Variants in UNC5D observed in about 807,000 individuals in gnomAD.
The protein encoded by UNC5D is unc-5 netrin receptor D.
UNC5D carries 39 observed loss-of-function variants against 105.4 expected under a neutral mutation model. The observed-to-expected ratio is 0.37, with a 90% CI of 0.29 to 0.48. UNC5D has a LOEUF of 0.48. UNC5D is among the 20% of genes least tolerant of loss of function. The pLI, the probability that UNC5D is intolerant of heterozygous loss-of-function variation, is 0.98. For synonymous variants in UNC5D, 452 were observed against 450.4 expected (o/e 1.00, Z -0.04); for missense variants, 991 against 1,202.4 (o/e 0.82, Z 2.60).
At position 35,722,322 on chromosome 8, in the gene UNC5D, T is replaced by C. The variant is rs912393495; in HGVS notation, c.1230T>C (p.Tyr410=). ...TTTACAGACGGAGCCAGAGTGACTA[T>C]GGCGTGGACGTCATTGACTCTTCTG... ...VTLYRRSQSD[Y]GVDVIDSSAL... The change falls in exon 9 of 17, where the codon TAT becomes TAC. Residue 410 remains tyrosine, a synonymous_variant. Coordinates refer to ENST00000404895, the MANE Select transcript of UNC5D (RefSeq NM_080872.4). 1 of 1,614,178 alleles carries C rather than the reference T, an allele frequency of 6.2e-7. No homozygotes were observed. The highest frequency in any genetic ancestry group is 1.7e-5 in the Admixed American group (1 of 60,024).
chr8:35,502,725 A>AT (rs34200119), intron 1 of UNC5D, among the ~76,000 whole-genome samples: 24,582 of 144,870 alleles, frequency 0.17, 2,631 homozygotes, highest in African/African-American at 0.28. Context: ...TGCCCGGCTA[A>AT]TTTTTTTTTT....
chr8:35,519,932 G>C (rs920976872), intron 1 of UNC5D, among the ~76,000 whole-genome samples: 1 of 152,142 alleles, frequency 6.6e-6, no homozygotes, highest in African/African-American at 2.4e-5. Flanking sequence ...TTGCAAGGAT[G>C]TGGAGAAAGT....
At chr8:35,777,240 C>A (rs555971899) in intron 16 of UNC5D, among the ~76,000 whole-genome samples, 4 of 152,054 alleles carry the variant, frequency 2.6e-5, no homozygotes, top group Non-Finnish European at 5.9e-5. Flanking sequence ...GGCAACAGAG[C>A]GAGACTCTGT....
chr8:35,333,652 G>A (rs923300693), intron 1 of UNC5D, among the ~76,000 whole-genome samples: 13 of 152,020 alleles, frequency 8.6e-5, no homozygotes, highest in Admixed American at 5.9e-4. Flanking sequence ...GCTAATTTTT[G>A]TATTTTTAGT....
chr8:35,576,386 A>G (rs1376142698), intron 3 of UNC5D, among the ~76,000 whole-genome samples: 2 of 152,186 alleles, frequency 1.3e-5, no homozygotes, highest in Non-Finnish European at 2.9e-5. Context: ...TTCTGTTTTG[A>G]TTGAACGCCA....
intron 4 of UNC5D, among the ~76,000 whole-genome samples, chr8:35,597,965 C>A (rs1563573812): frequency 6.6e-6 from 1 of 152,106 alleles, no homozygotes; most frequent in African/African-American, 2.4e-5. Context: ...GCGCTACAGT[C>A]ACCCTGGCCC....
chr8:35,462,188 T>C (rs754108080), intron 1 of UNC5D, among the ~76,000 whole-genome samples: 1 of 152,208 alleles, frequency 6.6e-6, no homozygotes, highest in Admixed American at 6.5e-5. Flanking sequence ...ATTCTTTTAC[T>C]AAATCTAGCA....
At chr8:35,580,086 C>T (rs1457943788) in intron 3 of UNC5D, among the ~76,000 whole-genome samples, 6 of 152,030 alleles carry the variant, frequency 3.9e-5, no homozygotes, top group East Asian at 1.9e-4. Context: ...GTTTTGGGCT[C>T]GCTAGGTTTC....
At chr8:35,742,443 A>G (rs957472100) in intron 11 of UNC5D, among the ~76,000 whole-genome samples, 7 of 152,186 alleles carry the variant, frequency 4.6e-5, no homozygotes, top group Admixed American at 1.3e-4. Context: ...TGTCTTTTCC[A>G]TTCAAATATG....
chr8:35,322,550 C>T (rs997921103), intron 1 of UNC5D, among the ~76,000 whole-genome samples: 1 of 151,972 alleles, frequency 6.6e-6, no homozygotes, highest in African/African-American at 2.4e-5. Flanking sequence ...TTTTTGCTTC[C>T]CCTAGGGGAC....
rs550127756 is a variant in UNC5D, at chr8:35,750,491, T to G, written c.1936-91T>G. 1.9e-5 allele frequency: 25 copies of G among 1,335,970 alleles called. No individual in the cohort carries two copies. In the South Asian group the frequency reaches 2.8e-4, roughly 15 times the overall value. 82.8% of individuals were successfully genotyped at this position (1,335,970 alleles called of 1,614,324 possible). A position where few individuals can be genotyped will look rare whatever the true frequency, so the allele number is the denominator to read the frequency against. ...GGACTATTCTGAAAACAAATTTATATTTGTGTGTTTATTTATTTGTGTCCT... is the reference window on the plus strand; with the variant it reads ...GGACTATTCTGAAAACAAATTTATAGTTGTGTGTTTATTTATTTGTGTCCT... On this transcript the variant is annotated intron_variant, in intron 12 of 16. Transcript: ENST00000404895.
chr8:35,726,398 G>C lies in UNC5D; in HGVS notation c.1550G>C (p.Ser517Thr). The C allele has an allele frequency of 6.2e-7, 1 of 1,614,122 alleles. No homozygotes were observed. Among genetic ancestry groups the C allele is most frequent in the Non-Finnish European group, 8.5e-7 (1 of 1,180,020 alleles). Reference protein sequence around the residue: ...SRTFPHGNNHSFSTMHPRNKM... With the variant: ...SRTFPHGNNHTFSTMHPRNKM... ...ACTTTTCCCCATGGAAACAACCACAGCTTTAGTACAATGCATCCCAGAAAT... is the reference window on the plus strand; with the variant it reads ...ACTTTTCCCCATGGAAACAACCACACCTTTAGTACAATGCATCCCAGAAAT... The change falls in exon 10 of 17, where the codon AGC becomes ACC. Residue 517 changes from serine to threonine, a missense_variant. By Grantham distance (58) the Ser-to-Thr change is moderately conservative. Transcript: ENST00000404895.
intron 1 of UNC5D, among the ~76,000 whole-genome samples, chr8:35,262,687 G>A (rs552188255): frequency 1.5e-4 from 23 of 152,242 alleles, no homozygotes; most frequent in African/African-American, 4.3e-4. Flanking sequence ...CAACCAAAAT[G>A]TCCTGTTTCC....
chr8:35,342,249 C>G (rs1811507881), intron 1 of UNC5D, among the ~76,000 whole-genome samples: 1 of 152,058 alleles, frequency 6.6e-6, no homozygotes, highest in Non-Finnish European at 1.5e-5. Context: ...CAGAATTTGT[C>G]TTGGGGACAG....
intron 1 of UNC5D, among the ~76,000 whole-genome samples, chr8:35,279,725 C>T (rs551851327): frequency 1.3e-5 from 2 of 152,178 alleles, no homozygotes; most frequent in African/African-American, 4.8e-5. Context: ...AGGCAATGAA[C>T]TTGCTTTGCT....
chr8:35,330,792 C>A (rs1462600427), intron 1 of UNC5D, among the ~76,000 whole-genome samples: 1 of 152,146 alleles, frequency 6.6e-6, no homozygotes, highest in East Asian at 1.9e-4. Flanking sequence ...GACAGGCCTC[C>A]TTAATGCGCG....
At chr8:35,418,643 C>G (rs954128814) in intron 1 of UNC5D, among the ~76,000 whole-genome samples, 1 of 152,034 alleles carries the variant, frequency 6.6e-6, no homozygotes, top group African/African-American at 2.4e-5. Context: ...CAAGAAAAGG[C>G]GAGAATTAAT....
At chr8:35,317,244 TAATA>T (rs1313420465) in intron 1 of UNC5D, among the ~76,000 whole-genome samples, 1 of 152,168 alleles carries the variant, frequency 6.6e-6, no homozygotes, top group Non-Finnish European at 1.5e-5. Flanking sequence ...ATATTATATG[TAATA>T]AATAGATTGG....
intron 11 of UNC5D, among the ~76,000 whole-genome samples, chr8:35,742,893 A>G (rs576794353): frequency 2.0e-5 from 3 of 152,178 alleles, no homozygotes; most frequent in Admixed American, 6.5e-5. Context: ...CCTGTCACCA[A>G]CTGCAGCACC....
Sources: gnomAD v4.1 joint callset for allele counts (sites outside exome capture counted in the v4.1 genomes callset) on GRCh38, gnomAD v4.1.1 for gene constraint, MANE v1.5 for transcripts, NCBI Gene and HGNC (gene_info 2026-07-23, HGNC 2026-07-21) for gene names.